FHAD1: variants seen among roughly 807,000 people sequenced by gnomAD.
FHAD1 encodes the protein forkhead associated phosphopeptide binding domain 1, also known as forkhead-associated domain-containing protein 1.
FHAD1 carries 146 observed loss-of-function variants against 191.3 expected under a neutral mutation model. The ratio of observed to expected loss-of-function variants is 0.76; its 90% CI spans 0.67 to 0.88. The LOEUF (loss-of-function observed/expected upper bound fraction) is 0.88. Among genes scored for constraint, FHAD1 ranks in the 40% least tolerant of loss-of-function variants. FHAD1 has a pLI of 0.00. For missense variants in FHAD1, 1,635 were observed against 1,785.8 expected (o/e 0.92, Z 1.52); for synonymous variants, 616 against 672.3 (o/e 0.92, Z 1.29).
At chr1:15,253,987 T>C (rs1647102607) in intron 2 of FHAD1, among the ~76,000 whole-genome samples, 1 of 152,216 alleles carries the variant, frequency 6.6e-6, no homozygotes, top group Non-Finnish European at 1.5e-5. Context: ...TCCCCCTGCA[T>C]TTCTAGTTTT....
chr1:15,396,313 C>T (rs902448691), intron 33 of FHAD1, among the ~76,000 whole-genome samples: 4 of 151,140 alleles, frequency 2.6e-5, no homozygotes, highest in Non-Finnish European at 4.4e-5. Context: ...CAGAGTGAGA[C>T]CCCATATCAA....
intron 10 of FHAD1, among the ~76,000 whole-genome samples, chr1:15,322,796 C>T (rs899160175): frequency 2.0e-5 from 3 of 152,196 alleles, no homozygotes; most frequent in East Asian, 1.9e-4. Flanking sequence ...GGAGGCGTCA[C>T]GGCCAAAGGT....
intron 18 of FHAD1, among the ~76,000 whole-genome samples, chr1:15,347,747 C>A (rs1309193498): frequency 6.6e-6 from 1 of 152,232 alleles, no homozygotes; most frequent in Non-Finnish European, 1.5e-5. Flanking sequence ...CCGCTCCCGG[C>A]CTGATTTTCT....
At chr1:15,317,758 C>T in intron 9 of FHAD1, 66 bp from the exon 10 acceptor site, 1 of 1,079,932 alleles carries the variant, frequency 9.3e-7, no homozygotes, top group Non-Finnish European at 1.4e-6. Flanking sequence ...AGGGCTCAGA[C>T]CTCTCAGCCA....
At chr1:15,338,371 A>G (rs574873017) in intron 14 of FHAD1, among the ~76,000 whole-genome samples, 2 of 152,162 alleles carry the variant, frequency 1.3e-5, no homozygotes, top group South Asian at 2.1e-4. Flanking sequence ...TCCATCTTCA[A>G]AGCCAGCGAT....
intron 20 of FHAD1, among the ~76,000 whole-genome samples, chr1:15,355,802 C>T (rs1368379372): frequency 6.6e-6 from 1 of 152,082 alleles, no homozygotes; most frequent in Admixed American, 6.5e-5. Context: ...AGCGGAGGTA[C>T]ACAGAGGATG....
Position 15,329,133 on chromosome 1 carries a change from T to A in FHAD1, c.1711-213T>A, listed in dbSNP as rs920976144. On this transcript the variant is annotated intron_variant, in intron 13 of 33. Transcript: ENST00000688493. The surrounding 1 kb of genome is among the most constrained non-coding windows in gnomAD (Gnocchi z 5.0). ...TTCATAGACCTAAAAGGGGGTTCGC[T>A]TTGACCATCAAAAGTCCAAATTAGA... 4.6e-6 allele frequency: 2 copies of A among 434,586 alleles called. No homozygotes were observed. The highest frequency in any genetic ancestry group is 3.9e-5 in the African/African-American group (2 of 51,278). 26.9% of individuals were successfully genotyped at this position (434,586 alleles called of 1,614,324 possible). A position where few individuals can be genotyped will look rare whatever the true frequency, so the allele number is the denominator to read the frequency against.
rs917305764 is a variant in FHAD1 at position 15,360,026 on chromosome 1, T to A, written c.2737-452T>A. Among the ~76,000 whole-genome samples, 10 of 152,072 alleles carry A rather than the reference T, an allele frequency of 6.6e-5. 1 individual carries two copies. Among genetic ancestry groups the A allele is most frequent in the South Asian group, 2.1e-4 (1 of 4,824 alleles). ...TACTCAGGAGGCTGAGGCAGGAGAATCGCTTGAACCCAGGAGGCAGAGGTT... is the reference window on the plus strand; with the variant it reads ...TACTCAGGAGGCTGAGGCAGGAGAAACGCTTGAACCCAGGAGGCAGAGGTT... On this transcript the variant is annotated intron_variant, in intron 21 of 33. Transcript: ENST00000688493.
intron 1 of FHAD1, 101 bp from the exon 2 acceptor site, chr1:15,251,670 G>A (rs1398758972): frequency 1.1e-6 from 1 of 900,700 alleles, no homozygotes; most frequent in Non-Finnish European, 1.7e-6. Context: ...TCTCACTTTG[G>A]ACATGACTCT....
At position 15,349,150 on chromosome 1, in the gene FHAD1, G is replaced by T; in HGVS notation, c.2454+1G>T. The T allele has an allele frequency of 1.9e-6, 3 of 1,545,044 alleles. No homozygotes were observed. Among genetic ancestry groups the T allele is most frequent in the Non-Finnish European group, 2.6e-6 (3 of 1,140,968 alleles). ...GAACCATTTAACCCAACAGAAGGAG[G>T]TATGAGCAGCAGCAGGAAAGAATCC... On this transcript the variant is annotated splice_donor_variant, in intron 19 of 33. Transcript: ENST00000688493. LOFTEE classifies it high-confidence loss of function.
At chr1:15,335,048 A>G (rs1375171918) in intron 14 of FHAD1, among the ~76,000 whole-genome samples, 1 of 152,216 alleles carries the variant, frequency 6.6e-6, no homozygotes, top group Non-Finnish European at 1.5e-5. Context: ...CGCGTCACAA[A>G]CTAGGATGGA....
At chr1:15,358,040 G>T in intron 20 of FHAD1, 70 bp from the exon 21 acceptor site, 2 of 1,092,516 alleles carry the variant, frequency 1.8e-6, no homozygotes, top group South Asian at 1.7e-5. Context: ...CTTGAAGGTG[G>T]GGGATAAGGG....
chr1:15,374,872 T>TG (rs1558266974), intron 27 of FHAD1, among the ~76,000 whole-genome samples: 3 of 150,600 alleles, frequency 2.0e-5, no homozygotes, highest in African/African-American at 7.4e-5. Flanking sequence ...TTGTTTTTTT[T>TG]TTTTGAGACA....
At chr1:15,358,568 G>A (rs572372610) in intron 21 of FHAD1, among the ~76,000 whole-genome samples, 1 of 152,332 alleles carries the variant, frequency 6.6e-6, no homozygotes, top group African/African-American at 2.4e-5. Context: ...AATGAGAAGC[G>A]TTGGTTTAGA....
intron 33 of FHAD1, among the ~76,000 whole-genome samples, chr1:15,393,428 ACG>A (rs796335474): frequency 3.8e-5 from 5 of 131,008 alleles, no homozygotes; most frequent in African/African-American, 1.8e-4. Context: ...ACACACACAC[ACG>A]CACACACACA....
chr1:15,338,522 CCTTAA>C (rs1241935201), intron 14 of FHAD1, among the ~76,000 whole-genome samples: 1 of 152,226 alleles, frequency 6.6e-6, no homozygotes, highest in Non-Finnish European at 1.5e-5. Context: ...ATCTCGAAAT[CCTTAA>C]CTTAATCGTA....
chr1:15,388,661 C>T (rs942315214), intron 32 of FHAD1, among the ~76,000 whole-genome samples: 7 of 152,124 alleles, frequency 4.6e-5, no homozygotes, highest in East Asian at 1.9e-4. Context: ...CTTCTACCCC[C>T]GCCAAGGGGA....
chr1:15,358,077 G>A lies in FHAD1; in HGVS notation c.2563-33G>A. Reference sequence around the variant, plus strand: ...GCTGGGTAAATATGTATTCCTGAATGTCTGTTATTTTGCTACTTGTTTTTT... The same window carrying A: ...GCTGGGTAAATATGTATTCCTGAATATCTGTTATTTTGCTACTTGTTTTTT... On this transcript the variant is annotated intron_variant, in intron 20 of 33. Coordinates refer to ENST00000688493, the MANE Select transcript of FHAD1 (RefSeq NM_001391957.1). 2.1e-6 allele frequency: 3 copies of A among 1,442,128 alleles called. No individual in the cohort carries two copies. The East Asian group carries it at 7.6e-5, about 36-fold the overall frequency. 89.3% of individuals were successfully genotyped at this position (1,442,128 alleles called of 1,614,324 possible).
At chr1:15,310,222 C>T (rs1284905213) in intron 7 of FHAD1, among the ~76,000 whole-genome samples, 2 of 152,214 alleles carry the variant, frequency 1.3e-5, no homozygotes, top group Non-Finnish European at 2.9e-5. Context: ...GCTGTGAAAG[C>T]AGAGCGTAGC....
Sources: allele counts gnomAD v4.1 joint callset (sites outside exome capture counted in the v4.1 genomes callset), GRCh38; gene constraint gnomAD v4.1.1; non-coding constraint Gnocchi (gnomAD v3.1); transcripts MANE v1.5; gene names NCBI Gene and HGNC (gene_info 2026-07-23, HGNC 2026-07-21).